Variants in CDH12 observed in about 807,000 individuals in gnomAD.
CDH12 encodes the protein cadherin-12.
Under a neutral mutation model 74.1 loss-of-function variants are expected in CDH12, and 41 were observed. That is an observed-to-expected ratio of 0.55 (90% CI 0.43 to 0.72). The LOEUF is 0.72. CDH12 is among the 30% of genes least tolerant of loss of function. The probability of loss-of-function intolerance (pLI) is 0.00; values close to 1 mark genes in which losing one functional copy is unlikely to be tolerated. For missense variants in CDH12, 945 were observed against 977.2 expected, an observed-to-expected ratio of 0.97 and a Z score of 0.44; for synonymous variants, 399 against 355.0, an observed-to-expected ratio of 1.12 and a Z score of -1.39.
chr5:21,841,313 G>A (rs1182518708), intron 8 of CDH12, among the ~76,000 whole-genome samples: 299 of 151,902 alleles, frequency 2.0e-3, no homozygotes, highest in African/African-American at 6.9e-3. Flanking sequence ...ATGAGATATC[G>A]TCTCACACCA....
At chr5:22,796,362 T>C (rs1014928620) in intron 1 of CDH12, among the ~76,000 whole-genome samples, 1 of 152,186 alleles carries the variant, frequency 6.6e-6, no homozygotes, top group Non-Finnish European at 1.5e-5. Context: ...TCTTGTCTTT[T>C]TCATAATATC....
At chr5:22,166,042 G>A (rs1748662850) in intron 4 of CDH12, among the ~76,000 whole-genome samples, 1 of 152,130 alleles carries the variant, frequency 6.6e-6, no homozygotes, top group South Asian at 2.1e-4. Flanking sequence ...TACTTTCTTA[G>A]TAAACTTGCT....
intron 3 of CDH12, among the ~76,000 whole-genome samples, chr5:22,390,319 A>T (rs2126415424): frequency 6.6e-6 from 1 of 152,338 alleles, no homozygotes; most frequent in Middle Eastern, 3.4e-3. Flanking sequence ...AATAACAAGT[A>T]ACTAGAAAAC....
chr5:22,268,084 T>C (rs976380265), intron 3 of CDH12, among the ~76,000 whole-genome samples: 4 of 152,072 alleles, frequency 2.6e-5, no homozygotes, highest in Non-Finnish European at 5.9e-5. Context: ...CATGGCAGGC[T>C]GAGAATGGGG....
intron 4 of CDH12, among the ~76,000 whole-genome samples, chr5:22,158,212 G>T (rs1444243582): frequency 6.6e-6 from 1 of 151,886 alleles, no homozygotes; most frequent in African/African-American, 2.4e-5. Flanking sequence ...TACTTAACTT[G>T]AATACTAATC....
chr5:21,904,087 T>C (rs989350168), intron 6 of CDH12, among the ~76,000 whole-genome samples: 2 of 152,140 alleles, frequency 1.3e-5, no homozygotes, highest in Admixed American at 6.6e-5. Context: ...TCTTTCTCTA[T>C]TAGGCAATTA....
chr5:22,304,454 T>C (rs1425721175), intron 3 of CDH12, among the ~76,000 whole-genome samples: 1 of 152,204 alleles, frequency 6.6e-6, no homozygotes, highest in Non-Finnish European at 1.5e-5. Context: ...CATGTATATA[T>C]TATTTTCTTG....
intron 5 of CDH12, among the ~76,000 whole-genome samples, chr5:22,073,540 T>C (rs531237459): frequency 1.3e-3 from 193 of 152,284 alleles, no homozygotes; most frequent in African/African-American, 4.5e-3. Flanking sequence ...ACTGGTAACA[T>C]ATGAAGTACA....
intron 6 of CDH12, among the ~76,000 whole-genome samples, chr5:21,934,480 A>G (rs1754982867): frequency 6.6e-6 from 1 of 152,240 alleles, no homozygotes; most frequent in Admixed American, 6.5e-5. Flanking sequence ...TAAAGTAAGT[A>G]TTGATATGGA....
At chr5:22,345,755 C>T (rs774135050) in intron 3 of CDH12, among the ~76,000 whole-genome samples, 4 of 152,022 alleles carry the variant, frequency 2.6e-5, no homozygotes, top group Non-Finnish European at 5.9e-5. Flanking sequence ...AATCAAGATA[C>T]GCTATGTACA....
intron 3 of CDH12, among the ~76,000 whole-genome samples, chr5:22,275,035 C>T (rs1736567571): frequency 6.6e-6 from 1 of 152,030 alleles, no homozygotes; most frequent in South Asian, 2.1e-4. Context: ...ATGAAAAGTG[C>T]ACCAGCTTCT....
intron 4 of CDH12, among the ~76,000 whole-genome samples, chr5:22,183,660 TGC>T (rs763494871): frequency 1.2e-4 from 18 of 152,126 alleles, no homozygotes; most frequent in Admixed American, 3.3e-4. Flanking sequence ...TCCCTGACCT[TGC>T]CATAAGAAGG....
chr5:21,800,111 C>T (rs1747027527), intron 10 of CDH12, among the ~76,000 whole-genome samples: 1 of 152,150 alleles, frequency 6.6e-6, no homozygotes, highest in African/African-American at 2.4e-5. Flanking sequence ...AATATCTTCA[C>T]CATTGTATTT....
chr5:22,286,209 A>G (rs1234531559), intron 3 of CDH12, among the ~76,000 whole-genome samples: 1 of 152,190 alleles, frequency 6.6e-6, no homozygotes, highest in Non-Finnish European at 1.5e-5. Flanking sequence ...TGCAGACAGA[A>G]ATTGAATCAA....
chr5:22,529,184 TATATAGAGAGAG>T (rs1328475414), intron 1 of CDH12, among the ~76,000 whole-genome samples: 58 of 83,646 alleles, frequency 6.9e-4, no homozygotes, highest in Middle Eastern at 6.5e-3. Flanking sequence ...TATATATATA[TATATAGAGAGAG>T]AGAGAGAGAG....
chr5:22,771,873 T>C (rs900573197), intron 1 of CDH12, among the ~76,000 whole-genome samples: 1 of 152,066 alleles, frequency 6.6e-6, no homozygotes, highest in African/African-American at 2.4e-5. Context: ...ACCTTTGCAA[T>C]TAGGTTAGTT....
intron 3 of CDH12, among the ~76,000 whole-genome samples, chr5:22,387,214 T>C (rs114180744): frequency 0.012 from 1,838 of 152,164 alleles, 38 homozygotes; most frequent in African/African-American, 0.041. Flanking sequence ...CAAAAATGCC[T>C]TTAAAAAGTT....
chr5:22,160,146 G>T (rs1270885400), intron 4 of CDH12, among the ~76,000 whole-genome samples: 4 of 152,182 alleles, frequency 2.6e-5, no homozygotes, highest in Non-Finnish European at 4.4e-5. Context: ...CAGTTCAATA[G>T]GGTATCCACC....
chr5:22,032,100 AATATT>A (rs1159121603), intron 5 of CDH12, among the ~76,000 whole-genome samples: 2 of 151,666 alleles, frequency 1.3e-5, no homozygotes, highest in Admixed American at 6.6e-5. Context: ...TATAAATAGA[AATATT>A]ATATAATATA....
Sources: allele counts gnomAD v4.1 joint callset (sites outside exome capture counted in the v4.1 genomes callset), GRCh38; gene constraint gnomAD v4.1.1; transcripts MANE v1.5; gene names NCBI Gene and HGNC (gene_info 2026-07-23, HGNC 2026-07-21).